The following MDGA2 variants were observed in gnomAD, a reference collection of about 807,000 sequenced individuals.
MDGA2 encodes the protein MAM domain-containing glycosylphosphatidylinositol anchor protein 2.
In MDGA2, 40 loss-of-function variants were observed where a neutral mutation model predicts 117.8. The observed-to-expected ratio is 0.34, with a 90% CI of 0.26 to 0.44. MDGA2 has a LOEUF of 0.44. Ranked by LOEUF, MDGA2 falls within the 20% of genes least tolerant of loss-of-function variation. The pLI is 1.00. For missense variants in MDGA2, 1,123 were observed against 1,250.6 expected (o/e 0.90, Z 1.54); for synonymous variants, 452 against 439.0 (o/e 1.03, Z -0.37).
chr14:47,447,614 C>T (rs1162120912), intron 1 of MDGA2, among the ~76,000 whole-genome samples: 4 of 152,278 alleles, frequency 2.6e-5, no homozygotes, highest in African/African-American at 9.6e-5. Context: ...GTCAACTCTA[C>T]AGAGATTTGG....
chr14:47,124,597 T>C (rs1881806715), intron 5 of MDGA2, among the ~76,000 whole-genome samples: 1 of 152,100 alleles, frequency 6.6e-6, no homozygotes, highest in Non-Finnish European at 1.5e-5. Context: ...TAGACTGAAT[T>C]GTGTCTTTCC....
At chr14:47,664,855 C>T (rs1594970763) in intron 1 of MDGA2, among the ~76,000 whole-genome samples, 2 of 152,198 alleles carry the variant, frequency 1.3e-5, no homozygotes, top group East Asian at 1.9e-4. Flanking sequence ...AAGGAGTTGC[C>T]CCCCACAGGA....
At chr14:47,324,848 GAGAGAA>G (rs1289596797) in intron 1 of MDGA2, among the ~76,000 whole-genome samples, 3 of 152,118 alleles carry the variant, frequency 2.0e-5, no homozygotes, top group Non-Finnish European at 4.4e-5. Flanking sequence ...GAGAGAGAGA[GAGAGAA>G]AGAGAGAGAG....
chr14:47,236,231 C>T (rs1247166980), intron 2 of MDGA2, among the ~76,000 whole-genome samples: 1 of 136,940 alleles, frequency 7.3e-6, no homozygotes, highest in Admixed American at 8.3e-5. Flanking sequence ...GCGGAGCTTG[C>T]AGTGAGCCGA....
chr14:47,072,265 G>C (rs981473520), intron 6 of MDGA2, among the ~76,000 whole-genome samples: 58 of 152,224 alleles, frequency 3.8e-4, no homozygotes, highest in Non-Finnish European at 2.1e-4. Context: ...CATGTGGATA[G>C]AGACATTATA....
At chr14:47,462,075 T>A (rs1011024060) in intron 1 of MDGA2, among the ~76,000 whole-genome samples, 2 of 152,184 alleles carry the variant, frequency 1.3e-5, no homozygotes, top group African/African-American at 4.8e-5. Context: ...CTCTAATTGC[T>A]TTCGTACCTT....
chr14:46,892,542 G>A (rs1272364504), intron 10 of MDGA2, among the ~76,000 whole-genome samples: 1 of 151,808 alleles, frequency 6.6e-6, no homozygotes, highest in East Asian at 1.9e-4. Flanking sequence ...GTACAACAAA[G>A]GGAGCAATTA....
chr14:46,884,765 A>G lies in MDGA2; in HGVS notation c.2239-2544T>C, dbSNP rs1443123069. On this transcript the variant is annotated intron_variant, in intron 10 of 16. Coordinates refer to ENST00000399232, the MANE Select transcript of MDGA2 (RefSeq NM_001113498.3). This position sits in a 1 kb window ranked among gnomAD's most constrained non-coding sequence, Gnocchi z 4.1. ...AAATTCAGTCTCAGGAGTATTAAAC[A>G]ATTAAATTTAAAACATACAATTTAA... is the stretch of plus-strand genomic sequence containing the variant. 6.6e-6 allele frequency among the ~76,000 whole-genome samples: 1 copy of G among 152,168 alleles called. No homozygotes were observed. The highest frequency in any genetic ancestry group is 1.5e-5 in the Non-Finnish European group (1 of 68,020).
At chr14:47,167,530 C>G (rs1883935854) in intron 3 of MDGA2, among the ~76,000 whole-genome samples, 2 of 151,552 alleles carry the variant, frequency 1.3e-5, no homozygotes, top group South Asian at 4.2e-4. Flanking sequence ...GTTTTTTTCA[C>G]AAGAGACAAA....
intron 1 of MDGA2, among the ~76,000 whole-genome samples, chr14:47,364,095 C>T (rs753705504): frequency 9.9e-5 from 15 of 152,136 alleles, no homozygotes; most frequent in Non-Finnish European, 1.9e-4. Context: ...AGAATCTGGA[C>T]AGTCTCAAGT....
At chr14:47,608,642 T>A (rs968224606) in intron 1 of MDGA2, among the ~76,000 whole-genome samples, 5 of 152,142 alleles carry the variant, frequency 3.3e-5, no homozygotes, top group Non-Finnish European at 7.4e-5. Flanking sequence ...TATGCCACTG[T>A]AAAGATCTTT....
At chr14:47,092,455 T>C (rs1879712398) in intron 6 of MDGA2, among the ~76,000 whole-genome samples, 1 of 152,212 alleles carries the variant, frequency 6.6e-6, no homozygotes, top group East Asian at 1.9e-4. Context: ...TTAGACTTCA[T>C]AGACAATTAA....
At chr14:46,853,189 A>C (rs1881130939) in intron 15 of MDGA2, among the ~76,000 whole-genome samples, 1 of 151,946 alleles carries the variant, frequency 6.6e-6, no homozygotes. Context: ...ACACTGAATA[A>C]AATTAAAAGT....
At chr14:46,930,311 A>T (rs1301298086) in intron 9 of MDGA2, among the ~76,000 whole-genome samples, 1 of 152,196 alleles carries the variant, frequency 6.6e-6, no homozygotes, top group Non-Finnish European at 1.5e-5. Context: ...TCTCTAGAAC[A>T]AATTAAAAGA....
intron 5 of MDGA2, among the ~76,000 whole-genome samples, chr14:47,122,792 T>C (rs904747371): frequency 9.2e-5 from 14 of 152,026 alleles, no homozygotes; most frequent in African/African-American, 3.4e-4. Context: ...AGAACCAAGC[T>C]GTGGTCTACA....
intron 1 of MDGA2, among the ~76,000 whole-genome samples, chr14:47,668,482 T>C (rs772225434): frequency 2.0e-5 from 3 of 152,224 alleles, no homozygotes; most frequent in Non-Finnish European, 4.4e-5. Flanking sequence ...GATGATTTAA[T>C]GATATCTTAA....
At chr14:47,536,090 A>G (rs1361925241) in intron 1 of MDGA2, among the ~76,000 whole-genome samples, 2 of 152,192 alleles carry the variant, frequency 1.3e-5, no homozygotes, top group Non-Finnish European at 2.9e-5. Flanking sequence ...TGATCCAACC[A>G]AGTAACATGG....
intron 8 of MDGA2, among the ~76,000 whole-genome samples, chr14:47,017,826 G>C (rs559104429): frequency 6.6e-6 from 1 of 152,032 alleles, no homozygotes; most frequent in Non-Finnish European, 1.5e-5. Flanking sequence ...AAAACACATT[G>C]CAAGAAATGA....
intron 1 of MDGA2, among the ~76,000 whole-genome samples, chr14:47,447,502 G>A (rs974384661): frequency 1.3e-5 from 2 of 152,070 alleles, no homozygotes; most frequent in African/African-American, 4.8e-5. Flanking sequence ...GCTTATGTGG[G>A]TTATATGTAA....
Sources: gnomAD v4.1 joint callset for allele counts (sites outside exome capture counted in the v4.1 genomes callset) on GRCh38, gnomAD v4.1.1 for gene constraint, Gnocchi (gnomAD v3.1) non-coding constraint, MANE v1.5 for transcripts, NCBI Gene and HGNC (gene_info 2026-07-23, HGNC 2026-07-21) for gene names.